NLGN1: variants seen among roughly 807,000 people sequenced by gnomAD.
NLGN1 encodes neuroligin-1.
In NLGN1, 12 loss-of-function variants were observed where a neutral mutation model predicts 65.5. That is an observed-to-expected ratio of 0.18 (90% CI 0.12 to 0.30). NLGN1 has a LOEUF of 0.30. Among genes scored for constraint, NLGN1 ranks in the 10% least tolerant of loss-of-function variants. The pLI, the probability that NLGN1 is intolerant of heterozygous loss-of-function variation, is 1.00. For missense variants in NLGN1, 750 were observed against 1,007.1 expected (o/e 0.74, Z 3.46); for synonymous variants, 350 against 359.5 (o/e 0.97, Z 0.30).
chr3:173,807,527 T>C (rs1222607040), intron 3 of NLGN1, among the ~76,000 whole-genome samples, 153 bp from the exon 4 acceptor site: 1 of 152,180 alleles, frequency 6.6e-6, no homozygotes, highest in Non-Finnish European at 1.5e-5. Context: ...TAGCTATTCA[T>C]ATGAGTTGCT....
At chr3:173,722,241 CTTTTTTTTT>C (rs58327862) in intron 3 of NLGN1, among the ~76,000 whole-genome samples, 20 of 100,126 alleles carry the variant, frequency 2.0e-4, no homozygotes, top group African/African-American at 7.1e-4. Flanking sequence ...TCTTCTTCTT[CTTTTTTTTT>C]TTTTTTTTTT....
chr3:174,158,085 C>G (rs1361428776), intron 4 of NLGN1, among the ~76,000 whole-genome samples: 1 of 151,754 alleles, frequency 6.6e-6, no homozygotes, highest in Non-Finnish European at 1.5e-5. Context: ...AATGCTATGT[C>G]TAAATGACTT....
rs554253002 is a variant in NLGN1, at chr3:174,170,962, G to A, written c.647-104353G>A. Among the ~76,000 whole-genome samples the A allele has an allele frequency of 1.2e-4, 19 of 152,246 alleles. No homozygotes were observed. In the South Asian group the frequency reaches 3.9e-3, roughly 32 times the overall value. ...ATTTACATATTTTTACATGAAAAAT[G>A]TGAAATGAAAATTTACATTCATGTC... On this transcript the variant is annotated intron_variant, in intron 4 of 6. Coordinates refer to ENST00000457714, the Ensembl canonical transcript of NLGN1.
chr3:174,283,946 T>C (rs1389361352), exon 7 of NLGN1: 1 of 151,402 alleles, frequency 6.6e-6, no homozygotes. Context: ...AATACTTTCA[T>C]ATGCATTGCT....
intron 4 of NLGN1, among the ~76,000 whole-genome samples, chr3:173,932,964 A>C (rs1744378298): frequency 6.6e-6 from 1 of 152,124 alleles, no homozygotes; most frequent in African/African-American, 2.4e-5. Context: ...ATATTAATTT[A>C]TGTATAAAGG....
chr3:173,873,126 C>A (rs1731475319), intron 4 of NLGN1, among the ~76,000 whole-genome samples: 1 of 150,682 alleles, frequency 6.6e-6, no homozygotes, highest in African/African-American at 2.5e-5. Context: ...TCTCACTCTG[C>A]TGCCCAGGCT....
chr3:173,654,200 T>C (rs1394216231), intron 3 of NLGN1, among the ~76,000 whole-genome samples: 1 of 152,174 alleles, frequency 6.6e-6, no homozygotes, highest in East Asian at 1.9e-4. Context: ...TTTTAAACTT[T>C]CCGCTTTGCA....
chr3:174,210,386 T>C (rs573936769), intron 4 of NLGN1, among the ~76,000 whole-genome samples: 7 of 152,364 alleles, frequency 4.6e-5, no homozygotes, highest in Non-Finnish European at 8.8e-5. Flanking sequence ...TGGCACACAA[T>C]ATTTATACAA....
chr3:174,065,736 C>T (rs1320880811), intron 4 of NLGN1, among the ~76,000 whole-genome samples: 5 of 151,936 alleles, frequency 3.3e-5, no homozygotes, highest in African/African-American at 1.2e-4. Flanking sequence ...AACAACATGA[C>T]ATTTCTGTTT....
In NLGN1 at chr3:174,059,544, A is replaced by G. The variant is rs148192375; in HGVS notation, c.647-215771A>G. 5.9e-5 allele frequency among the ~76,000 whole-genome samples: 9 copies of G among 152,246 alleles called. No individual in the cohort carries two copies. The East Asian group carries it at 1.7e-3, about 29-fold the overall frequency. ...CAAATAGTATGCTAAGCTAAACCAG[A>G]GAGCCTTTTGTTCTTTAAGCCTATA... On this transcript the variant is annotated intron_variant, in intron 4 of 6. Transcript: ENST00000457714.
chr3:173,962,299 G>A (rs1284764643), intron 4 of NLGN1, among the ~76,000 whole-genome samples: 3 of 151,998 alleles, frequency 2.0e-5, no homozygotes, highest in Non-Finnish European at 4.4e-5. Flanking sequence ...AGTCATATTA[G>A]GAAGAGGTTA....
At chr3:174,126,565 A>T (rs912382144) in intron 4 of NLGN1, among the ~76,000 whole-genome samples, 9 of 152,258 alleles carry the variant, frequency 5.9e-5, no homozygotes, top group Admixed American at 5.9e-4. Flanking sequence ...ATTCTTCCTC[A>T]GTTAATTGTT....
At chr3:173,959,916 A>G (rs968796522) in intron 4 of NLGN1, among the ~76,000 whole-genome samples, 3 of 152,136 alleles carry the variant, frequency 2.0e-5, no homozygotes, top group South Asian at 2.1e-4. Flanking sequence ...CCGTTGTTAT[A>G]TAATTGTTGA....
chr3:174,136,341 G>T (rs1233120536), intron 4 of NLGN1: 3 of 152,046 alleles, frequency 2.0e-5, no homozygotes, highest in African/African-American at 7.2e-5. Context: ...ACTTCAGCCT[G>T]TTTCCATGAC....
At chr3:174,001,210 T>C (rs1560815113) in intron 4 of NLGN1, among the ~76,000 whole-genome samples, 1 of 152,138 alleles carries the variant, frequency 6.6e-6, no homozygotes, top group East Asian at 1.9e-4. Flanking sequence ...TTTTCTGGTT[T>C]AATTTCAAAG....
In NLGN1 at chr3:174,075,785, C is replaced by A. The variant is rs573429302; in HGVS notation, c.647-199530C>A. Reference sequence around the variant, plus strand: ...CATAAGTGGATTATTGATTCTTGAGCATGCCAGTATTTAGATATAAATCTC... The same window carrying A: ...CATAAGTGGATTATTGATTCTTGAGAATGCCAGTATTTAGATATAAATCTC... On this transcript the variant is annotated intron_variant, in intron 4 of 6. Coordinates refer to ENST00000457714, the Ensembl canonical transcript of NLGN1. Among the ~76,000 whole-genome samples, 6 of 152,206 alleles carry A rather than the reference C, an allele frequency of 3.9e-5. No individual in the cohort carries two copies. The East Asian group carries it at 1.2e-3, about 29-fold the overall frequency.
At chr3:173,941,594 A>G (rs1485099753) in intron 4 of NLGN1, among the ~76,000 whole-genome samples, 2 of 152,110 alleles carry the variant, frequency 1.3e-5, no homozygotes, top group Admixed American at 6.6e-5. Context: ...CTGGATGTTC[A>G]AATAAACAAA....
intron 2 of NLGN1, among the ~76,000 whole-genome samples, chr3:173,586,100 A>T (rs1747396350): frequency 6.6e-6 from 1 of 151,718 alleles, no homozygotes; most frequent in Non-Finnish European, 1.5e-5. Context: ...AGGTTAACGA[A>T]TCTGAGACTT....
intron 2 of NLGN1, among the ~76,000 whole-genome samples, chr3:173,545,946 G>T: frequency 6.6e-6 from 1 of 152,060 alleles, no homozygotes; most frequent in East Asian, 1.9e-4. Context: ...GCCTGTCAGG[G>T]GGTGGGGGGC....
Sources: gnomAD v4.1 joint callset for allele counts (sites outside exome capture counted in the v4.1 genomes callset) on GRCh38, gnomAD v4.1.1 for gene constraint, MANE v1.5 for transcripts, NCBI Gene and HGNC (gene_info 2026-07-23, HGNC 2026-07-21) for gene names.